Variants in MX2 observed in about 807,000 individuals in gnomAD.
MX2 encodes the protein MX dynamin like GTPase 2.
In MX2, 51 loss-of-function variants were observed where a neutral mutation model predicts 74.0. The ratio of observed to expected loss-of-function variants is 0.69; its 90% confidence interval spans 0.55 to 0.87. The LOEUF (loss-of-function observed/expected upper bound fraction) is 0.87. MX2 is among the 40% of genes least tolerant of loss of function. The pLI is 0.00. For missense variants in MX2, 832 were observed against 908.7 expected, an observed-to-expected ratio of 0.92 and a Z score of 1.09; for synonymous variants, 369 against 339.3, an observed-to-expected ratio of 1.09 and a Z score of -0.96.
rs557405557 is a variant in MX2 at position 41,407,851 on chromosome 21, C to T, written c.1906-140C>T. 48 of 1,049,672 alleles carry T rather than the reference C, an allele frequency of 4.6e-5. No homozygotes were observed. In the East Asian group the frequency reaches 1.1e-3, roughly 23 times the overall value. The allele number at this position is 1,049,672 out of a possible 1,614,324, so 65.0% of individuals were successfully genotyped here. ...AACCTTCACGGGGCTTGATGCTGACCACCGGAGTGGAGGTGGGCGAGACCA... is the reference window on the plus strand; with the variant it reads ...AACCTTCACGGGGCTTGATGCTGACTACCGGAGTGGAGGTGGGCGAGACCA... On this transcript the variant is annotated intron_variant, in intron 13 of 13. Coordinates refer to ENST00000330714, the MANE Select transcript of MX2 (RefSeq NM_002463.2).
chr21:41,406,814 T>C lies in MX2; in HGVS notation c.1721T>C (p.Met574Thr). Residue 574 changes from methionine (M) to threonine (T), a missense_variant, in exon 13 of 14, where the codon ATG becomes ACG. Physicochemically the swap from Met to Thr is moderately conservative, Grantham distance 81 (BLOSUM62 -1). Transcript: ENST00000330714. ...AENMIQLQFRMEQMVFCQDQI... is the reference protein window; with the variant it reads ...AENMIQLQFRTEQMVFCQDQI... ...AACATGATCCAACTTCAGTTCAGAATGGAGCAGATGGTTTTTTGTCAAGAT... is the reference window on the plus strand; with the variant it reads ...AACATGATCCAACTTCAGTTCAGAACGGAGCAGATGGTTTTTTGTCAAGAT... 1 of 1,614,242 alleles carries C rather than the reference T, an allele frequency of 6.2e-7. No individual in the cohort carries two copies. Among genetic ancestry groups the C allele is most frequent in the East Asian group, 2.2e-5 (1 of 44,880 alleles).
intron 6 of MX2, 104 bp downstream of exon 6, chr21:41,390,807 C>T (rs1475233941): frequency 1.2e-5 from 15 of 1,283,552 alleles, no homozygotes; most frequent in East Asian, 2.5e-5. Context: ...AGATTGAGAA[C>T]ATCCTGGCTA....
rs186903103 is a variant in MX2 at position 41,362,367 on chromosome 21, T to G, written c.-72+312T>G. On this transcript the variant is annotated intron_variant, in intron 1 of 13. Coordinates refer to ENST00000330714, the MANE Select transcript of MX2 (RefSeq NM_002463.2). ...AAAGGGGTGGTTTTTAGGACAGCTTTGCTCAGCGTCCTACAAAGTCTGGGG... is the reference window on the plus strand; with the variant it reads ...AAAGGGGTGGTTTTTAGGACAGCTTGGCTCAGCGTCCTACAAAGTCTGGGG... Among the ~76,000 whole-genome samples, 34 of 152,016 alleles carry G rather than the reference T, an allele frequency of 2.2e-4. No individual in the cohort carries two copies. The East Asian group carries it at 6.2e-3, about 28-fold the overall frequency.
intron 12 of MX2, chr21:41,404,979 T>C (rs991655351): frequency 3.3e-5 from 5 of 151,784 alleles, no homozygotes; most frequent in African/African-American, 1.2e-4. Context: ...CTCAAGCCAC[T>C]GCTTCTGCCT....
At position 41,402,224 on chromosome 21, in the gene MX2, C is replaced by T; in HGVS notation, c.1573+96C>T. The T allele has an allele frequency of 7.1e-7, 1 of 1,411,416 alleles. No individual in the cohort carries two copies. Among genetic ancestry groups the T allele is most frequent in the South Asian group, 1.4e-5 (1 of 71,784 alleles). The allele number at this position is 1,411,416 out of a possible 1,614,324, so 87.4% of individuals were successfully genotyped here. On this transcript the variant is annotated intron_variant, in intron 11 of 13. Transcript: ENST00000330714. This position sits in a 1 kb window ranked among gnomAD's most constrained non-coding sequence, Gnocchi z 4.5. ...GAGAGATTGGAATGGAGTTACCAAACCAGCCTGCAGACACGCTCACTGGTG... is the reference window on the plus strand; with the variant it reads ...GAGAGATTGGAATGGAGTTACCAAATCAGCCTGCAGACACGCTCACTGGTG...
chr21:41,383,762 C>T (rs1474841818), intron 5 of MX2, among the ~76,000 whole-genome samples: 1 of 152,172 alleles, frequency 6.6e-6, no homozygotes, highest in African/African-American at 2.4e-5. Context: ...ATCCAAATCG[C>T]CATTCTCTGT....
chr21:41,388,753 A>G lies in MX2; in HGVS notation c.733-1812A>G, dbSNP rs774255859. Among the ~76,000 whole-genome samples the G allele has an allele frequency of 3.3e-5, 5 of 152,206 alleles. No individual in the cohort carries two copies. The highest frequency in any genetic ancestry group is 7.2e-5 in the African/African-American group (3 of 41,444). On this transcript the variant is annotated intron_variant, in intron 5 of 13. Transcript: ENST00000330714. This position sits in a 1 kb window ranked among gnomAD's most constrained non-coding sequence, Gnocchi z 4.0. The stretch of plus-strand genomic sequence containing the variant: ...GCATTTTCACTCTCTGATATCCTAC[A>G]TGAATGCACATGAGTGAGTGTGCAT...
At chr21:41,407,423 A>T (rs894290042) in intron 13 of MX2, among the ~76,000 whole-genome samples, 4 of 152,188 alleles carry the variant, frequency 2.6e-5, no homozygotes, top group African/African-American at 9.7e-5. Flanking sequence ...ATAGGAATGA[A>T]ATTTCCTTTC....
At chr21:41,382,344 A>G in intron 4 of MX2, 66 bp from the exon 5 acceptor site, 1 of 1,550,954 alleles carries the variant, frequency 6.4e-7, no homozygotes, top group Non-Finnish European at 8.7e-7. Flanking sequence ...CATTACCTTC[A>G]GGAACTGCTT....
chr21:41,399,609 A>G, intron 10 of MX2: 1 of 326,466 alleles, frequency 3.1e-6, no homozygotes, highest in Non-Finnish European at 5.8e-6. Flanking sequence ...TCTGTTGCCT[A>G]GGCTGGAGTG....
rs370702183 is a variant in MX2, at chr21:41,376,938, G to A, written c.32G>A (p.Arg11Gln). 3.6e-5 allele frequency: 58 copies of A among 1,613,844 alleles called. No individual in the cohort carries two copies. Among genetic ancestry groups the A allele is most frequent in the South Asian group, 3.1e-4 (28 of 91,088 alleles). The change falls in exon 2 of 14, where the codon CGG (arginine) becomes CAG (glutamine). Residue 11 changes from arginine (R) to glutamine (Q), a missense_variant. Arg to Gln is a conservative substitution (Grantham distance 43). Transcript: ENST00000330714. ...AAGGCCCACAAGCCTTGGCCCTACC[G>A]GAGGAGAAGTCAATTTTCTTCTCGA... MSKAHKPWPYRRRSQFSSRKY... is the reference protein window; with the variant it reads MSKAHKPWPYQRRSQFSSRKY...
chr21:41,384,732 T>C lies in MX2; in HGVS notation c.732+2168T>C, dbSNP rs142131894. On this transcript the variant is annotated intron_variant, in intron 5 of 13. Transcript: ENST00000330714. ...AGTGTTTTATAAAAATTAATTAGGT[T>C]CCAGCTACTTGGGAGGCTGAGGCTT... 7.7e-3 allele frequency among the ~76,000 whole-genome samples: 1,172 copies of C among 151,628 alleles called. 19 individuals carry two copies. Among genetic ancestry groups the C allele is most frequent in the African/African-American group, 0.027 (1,107 of 41,250 alleles).
intron 5 of MX2, 65 bp downstream of exon 5, chr21:41,382,629 G>T: frequency 5.6e-6 from 9 of 1,596,422 alleles, no homozygotes; most frequent in South Asian, 1.1e-5. Flanking sequence ...AGGTCCCCAG[G>T]GTCCTGGTGT....
At chr21:41,392,963 G>A (rs1041702615) in intron 6 of MX2, among the ~76,000 whole-genome samples, 1 of 151,800 alleles carries the variant, frequency 6.6e-6, no homozygotes, top group Non-Finnish European at 1.5e-5. Flanking sequence ...AAAATTAGCC[G>A]GGTGTGGTGG....
chr21:41,404,876 AAAAAAAAAAAAAAAAGAAAAAG>A (rs1038478858), intron 12 of MX2: 10 of 135,658 alleles, frequency 7.4e-5, no homozygotes, highest in African/African-American at 3.3e-4. Context: ...ATATACTCAA[AAAAAAAAAAAAAAAAGAAAAAG>A]AAAAAAAAAA....
chr21:41,403,338 G>A lies in MX2; in HGVS notation c.1645G>A (p.Val549Ile), dbSNP rs569021524. 1 of 1,612,746 alleles carries A rather than the reference G, an allele frequency of 6.2e-7. No individual in the cohort carries two copies. Among genetic ancestry groups the A allele is most frequent in the East Asian group, 2.2e-5 (1 of 44,856 alleles). ...FGEFFNLNQTVQSTIEDIKVK... is the reference protein window; with the variant it reads ...FGEFFNLNQTIQSTIEDIKVK... ...CGAATTTTTCAACCTTAACCAAACTGTTCAGGTAAGCACCCAGAGTTCACT... is the reference window on the plus strand; with the variant it reads ...CGAATTTTTCAACCTTAACCAAACTATTCAGGTAAGCACCCAGAGTTCACT... Residue 549 changes from valine to isoleucine, a missense_variant, in exon 12 of 14, where the codon GTT becomes ATT. Val to Ile is a conservative substitution (Grantham distance 29). Transcript: ENST00000330714.
intron 5 of MX2, among the ~76,000 whole-genome samples, chr21:41,383,234 C>T (rs1231220172): frequency 6.6e-6 from 1 of 152,174 alleles, no homozygotes; most frequent in South Asian, 2.1e-4. Flanking sequence ...GTGGTACATG[C>T]CTGGGGTTCC....
intron 8 of MX2, 93 bp from the exon 9 acceptor site, chr21:41,398,804 G>A: frequency 2.0e-6 from 3 of 1,512,550 alleles, no homozygotes; most frequent in Non-Finnish European, 2.7e-6. Context: ...AGATCTTCCT[G>A]GATGCTTTAA....
In MX2 at chr21:41,402,170, A is replaced by G; in HGVS notation, c.1573+42A>G. On this transcript the variant is annotated intron_variant, in intron 11 of 13. Coordinates refer to ENST00000330714, the MANE Select transcript of MX2 (RefSeq NM_002463.2). The surrounding 1 kb of genome is among the most constrained non-coding windows in gnomAD (Gnocchi z 4.5). The stretch of plus-strand genomic sequence containing the variant: ...AGGACTCCCAAACCATCACTCTCAT[A>G]CCTTCCATAGACCCCAGTGCCTTGG... 2 of 1,585,718 alleles carry G rather than the reference A, an allele frequency of 1.3e-6. No individual in the cohort carries two copies. Among genetic ancestry groups the G allele is most frequent in the Non-Finnish European group, 1.7e-6 (2 of 1,166,580 alleles).
Sources: gnomAD v4.1 joint callset for allele counts (sites outside exome capture counted in the v4.1 genomes callset) on GRCh38, gnomAD v4.1.1 for gene constraint, Gnocchi (gnomAD v3.1) non-coding constraint, MANE v1.5 for transcripts, NCBI Gene and HGNC (gene_info 2026-07-23, HGNC 2026-07-21) for gene names.